DYRK1A: variants seen among roughly 807,000 people sequenced by gnomAD.
DYRK1A encodes the protein dual specificity tyrosine phosphorylation regulated kinase 1A.
DYRK1A carries 9 observed loss-of-function variants against 79.7 expected under a neutral mutation model. The ratio of observed to expected loss-of-function variants is 0.11; its 90% confidence interval spans 0.07 to 0.20. The LOEUF is 0.20. Ranked by LOEUF, DYRK1A falls within the 10% of genes least tolerant of loss-of-function variation. The pLI is 1.00. For missense variants in DYRK1A, 622 were observed against 956.0 expected (o/e 0.65, Z 4.61); for synonymous variants, 349 against 329.7 (o/e 1.06, Z -0.63).
intron 2 of DYRK1A, among the ~76,000 whole-genome samples, chr21:37,438,158 T>C (rs941128396): frequency 1.3e-5 from 2 of 152,188 alleles, no homozygotes; most frequent in African/African-American, 4.8e-5. Flanking sequence ...TTCAAATCTT[T>C]TGTCATTCTT....
intron 2 of DYRK1A, among the ~76,000 whole-genome samples, chr21:37,432,279 A>G (rs11701874): frequency 0.075 from 11,454 of 152,170 alleles, 631 homozygotes; most frequent in Non-Finnish European, 0.11. Flanking sequence ...GAATAGTCCA[A>G]TAGTCCAGTA....
chr21:37,393,066 G>A (rs1294799771), intron 1 of DYRK1A, among the ~76,000 whole-genome samples: 1 of 152,244 alleles, frequency 6.6e-6, no homozygotes, highest in South Asian at 2.1e-4. Flanking sequence ...GCACTGTTAT[G>A]TTGTGGATGA....
chr21:37,366,545 G>T (rs935337087), upstream of DYRK1A, among the ~76,000 whole-genome samples: 4 of 146,758 alleles, frequency 2.7e-5, no homozygotes, highest in Non-Finnish European at 6.0e-5. Flanking sequence ...GGCGAATCAC[G>T]CGCCCTCCTC....
Position 37,421,137 on chromosome 21 carries a change from T to C in DYRK1A, c.10+753T>C, listed in dbSNP as rs187541604. On this transcript the variant is annotated intron_variant, in intron 2 of 11. Transcript: ENST00000647188. ...AAATTAGGCATATTATAAGGCATTT[T>C]GTTGAACTAAGTGACTTAACATTTG... Among the ~76,000 whole-genome samples, 603 of 152,270 alleles carry C rather than the reference T, an allele frequency of 4.0e-3. 3 individuals are homozygous for C. The highest frequency in any genetic ancestry group is 5.1e-3 in the Non-Finnish European group (344 of 68,012).
At chr21:37,471,554 T>A (rs2052224911) in intron 2 of DYRK1A, among the ~76,000 whole-genome samples, 1 of 152,206 alleles carries the variant, frequency 6.6e-6, no homozygotes, top group Non-Finnish European at 1.5e-5. Flanking sequence ...TCTGAGTATG[T>A]TGTATGTACT....
chr21:37,377,502 G>A (rs1406186034), intron 1 of DYRK1A, among the ~76,000 whole-genome samples: 5 of 151,728 alleles, frequency 3.3e-5, no homozygotes, highest in Non-Finnish European at 7.4e-5. Flanking sequence ...ACAGAGTCTC[G>A]CTGTCACTGA....
intron 2 of DYRK1A, among the ~76,000 whole-genome samples, chr21:37,433,522 A>G (rs536467791): frequency 2.6e-4 from 40 of 152,294 alleles, no homozygotes; most frequent in African/African-American, 9.6e-4. Context: ...TTTCCCTTTT[A>G]TTTCTCTCTT....
intron 2 of DYRK1A, among the ~76,000 whole-genome samples, chr21:37,424,674 A>G (rs1350578214): frequency 6.6e-6 from 1 of 152,192 alleles, no homozygotes; most frequent in Non-Finnish European, 1.5e-5. Context: ...TATTTATTTT[A>G]CAGTATGCTT....
At chr21:37,450,645 G>T (rs1175223866) in intron 2 of DYRK1A, among the ~76,000 whole-genome samples, 1 of 152,204 alleles carries the variant, frequency 6.6e-6, no homozygotes, top group Non-Finnish European at 1.5e-5. Flanking sequence ...CTAGCCTTGG[G>T]CAGGGGTTTA....
intron 2 of DYRK1A, among the ~76,000 whole-genome samples, chr21:37,472,012 T>C (rs2052242081): frequency 6.6e-6 from 1 of 152,234 alleles, no homozygotes; most frequent in Non-Finnish European, 1.5e-5. Flanking sequence ...GATATCATGA[T>C]CATGGTTCAT....
At chr21:37,399,164 C>G (rs1040530367) in intron 1 of DYRK1A, among the ~76,000 whole-genome samples, 1 of 152,102 alleles carries the variant, frequency 6.6e-6, no homozygotes, top group African/African-American at 2.4e-5. Flanking sequence ...GAGCAGAGCC[C>G]TTTAGTGGAA....
chr21:37,478,616 AG>A (rs1233340245), intron 4 of DYRK1A, among the ~76,000 whole-genome samples: 1 of 152,056 alleles, frequency 6.6e-6, no homozygotes, highest in Non-Finnish European at 1.5e-5. Flanking sequence ...AAAACAAGAA[AG>A]GGGAATAAGG....
chr21:37,495,950 A>G (rs1286082137), intron 8 of DYRK1A, 168 bp from the exon 9 acceptor site: 1 of 569,584 alleles, frequency 1.8e-6, no homozygotes, highest in Non-Finnish European at 3.0e-6. Context: ...TATTTGACTC[A>G]AGGAAGGTAG....
chr21:37,440,953 A>G (rs2051084092), intron 2 of DYRK1A, among the ~76,000 whole-genome samples: 1 of 152,130 alleles, frequency 6.6e-6, no homozygotes, highest in Non-Finnish European at 1.5e-5. Flanking sequence ...GTATATCTTT[A>G]TTGATTTTCT....
At position 37,420,331 on chromosome 21, in the gene DYRK1A, C is replaced by G. The variant is rs774199067; in HGVS notation, c.-44C>G. ...GTTTTGCCGCTGGACTCTTCCCTCC[C>G]TTCCCCCACCCCATCAGGATGATAT... On this transcript the variant is annotated 5_prime_UTR_variant, in exon 2 of 12. Coordinates refer to ENST00000647188, the MANE Select transcript of DYRK1A (RefSeq NM_001347721.2). 6.2e-7 allele frequency: 1 copy of G among 1,606,878 alleles called. No homozygotes were observed.
At chr21:37,493,368 C>G (rs547630488) in intron 8 of DYRK1A, among the ~76,000 whole-genome samples, 1 of 152,082 alleles carries the variant, frequency 6.6e-6, no homozygotes, top group South Asian at 2.1e-4. Context: ...ATATTTTAAT[C>G]TACTCATGAA....
rs916667519 is a variant in DYRK1A, at chr21:37,512,737, A to G, written c.*206A>G. 8.2e-6 allele frequency: 5 copies of G among 607,348 alleles called. No individual in the cohort carries two copies. The highest frequency in any genetic ancestry group is 2.2e-5 in the South Asian group (1 of 46,036). 37.6% of individuals were successfully genotyped at this position (607,348 alleles called of 1,614,324 possible). A position where few individuals can be genotyped will look rare whatever the true frequency, so the allele number is the denominator to read the frequency against. On this transcript the variant is annotated 3_prime_UTR_variant, in exon 12 of 12. Transcript: ENST00000647188. ...AAGAGCCATGTCCAAACCCATCTTC[A>G]TGGATAGCTCAGAGGTATCCTCTTT...
At chr21:37,460,580 G>T (rs980835672) in intron 2 of DYRK1A, among the ~76,000 whole-genome samples, 2 of 152,112 alleles carry the variant, frequency 1.3e-5, no homozygotes, top group Non-Finnish European at 2.9e-5. Flanking sequence ...GAGACATTGC[G>T]TGTCTTTGTT....
intron 1 of DYRK1A, among the ~76,000 whole-genome samples, chr21:37,378,283 A>G (rs2049588433): frequency 6.6e-6 from 1 of 152,240 alleles, no homozygotes; most frequent in African/African-American, 2.4e-5. Context: ...CTGTAATCCC[A>G]GCAATTTGGG....
Sources: gnomAD v4.1 joint callset for allele counts (sites outside exome capture counted in the v4.1 genomes callset) on GRCh38, gnomAD v4.1.1 for gene constraint, MANE v1.5 for transcripts, NCBI Gene and HGNC (gene_info 2026-07-23, HGNC 2026-07-21) for gene names.